Variants in FAAH observed in about 807,000 individuals in gnomAD.
FAAH encodes the protein fatty-acid amide hydrolase 1.
Under a neutral mutation model 69.7 loss-of-function variants are expected in FAAH, and 63 were observed. The observed-to-expected ratio is 0.90, with a 90% CI of 0.74 to 1.12. FAAH has a LOEUF of 1.12. Ranked by LOEUF, FAAH falls within the 50% of genes most tolerant of loss-of-function variation. The probability of loss-of-function intolerance (pLI) is 0.00; values close to 1 mark genes in which losing one functional copy is unlikely to be tolerated. For missense variants in FAAH, 680 were observed against 755.0 expected (o/e 0.90, Z 1.16); for synonymous variants, 305 against 324.2 (o/e 0.94, Z 0.64).
chr1:46,394,691 G>C, intron 1 of FAAH, 148 bp downstream of exon 1: 2 of 727,822 alleles, frequency 2.7e-6, no homozygotes, highest in Non-Finnish European at 3.8e-6. Flanking sequence ...AAGATATTCC[G>C]CACTTTCTGA....
At position 46,405,641 on chromosome 1, in the gene FAAH, C is replaced by T. The variant is rs751537824; in HGVS notation, c.632C>T (p.Ser211Phe). The T allele has an allele frequency of 3.7e-6, 6 of 1,613,528 alleles. No individual in the cohort carries two copies. In the South Asian group the frequency reaches 6.6e-5, roughly 18 times the overall value. Residue 211 changes from serine (S) to phenylalanine (F), a missense_variant, in exon 5 of 15, where the codon TCC becomes TTC. Coordinates refer to ENST00000243167, the MANE Select transcript of FAAH (RefSeq NM_001441.3). This position sits in a 1 kb window ranked among gnomAD's most constrained non-coding sequence, Gnocchi z 4.1. ...CAGACCGTGAACCCATGGAAGTCCT[C>T]CAAAAGCCCAGGGGGCTCCTCAGGG... Reference protein sequence around the residue: ...FGQTVNPWKSSKSPGGSSGGE... With the variant: ...FGQTVNPWKSFKSPGGSSGGE...
chr1:46,403,161 T>C (rs45516298), intron 2 of FAAH, among the ~76,000 whole-genome samples: 1,441 of 143,132 alleles, frequency 0.01, 22 homozygotes, highest in Middle Eastern at 0.051. Context: ...ATGGGAGTCT[T>C]GCTCTGTCGC....
In FAAH at chr1:46,404,930, C is replaced by G. The variant is rs1664762648; in HGVS notation, c.310-84C>G. ...CTCTCCCTGGGTATACTTTAAAAGGCCAGTTCTACATGATGTATATTTCAC... is the reference window on the plus strand; with the variant it reads ...CTCTCCCTGGGTATACTTTAAAAGGGCAGTTCTACATGATGTATATTTCAC... On this transcript the variant is annotated intron_variant, in intron 2 of 14. Coordinates refer to ENST00000243167, the MANE Select transcript of FAAH (RefSeq NM_001441.3). The surrounding 1 kb of genome is among the most constrained non-coding windows in gnomAD (Gnocchi z 4.5). 3.1e-6 allele frequency: 5 copies of G among 1,589,954 alleles called. No individual in the cohort carries two copies. Among genetic ancestry groups the G allele is most frequent in the Non-Finnish European group, 4.3e-6 (5 of 1,162,288 alleles).
chr1:46,397,187 A>G (rs1316143331), intron 1 of FAAH, among the ~76,000 whole-genome samples: 1 of 152,228 alleles, frequency 6.6e-6, no homozygotes, highest in African/African-American at 2.4e-5. Context: ...CTCCAAGAGC[A>G]GCGTGGGCAG....
At chr1:46,396,109 G>A (rs556121283) in intron 1 of FAAH, among the ~76,000 whole-genome samples, 7 of 152,096 alleles carry the variant, frequency 4.6e-5, no homozygotes, top group African/African-American at 1.7e-4. Flanking sequence ...GTGGGGAAAG[G>A]GTCAACAGGA....
At position 46,405,003 on chromosome 1, in the gene FAAH, C is replaced by T. The variant is rs1158753291; in HGVS notation, c.310-11C>T. On this transcript the variant is annotated splice_polypyrimidine_tract_variant and intron_variant, in intron 2 of 14. Coordinates refer to ENST00000243167, the MANE Select transcript of FAAH (RefSeq NM_001441.3). This position sits in a 1 kb window ranked among gnomAD's most constrained non-coding sequence, Gnocchi z 4.1. ...CCTCCTTTTATCTTATGTCTACTTC[C>T]CCTTCCTCAGGCCTGGGAAGTGAAC... 1 of 1,614,040 alleles carries T rather than the reference C, an allele frequency of 6.2e-7. No individual in the cohort carries two copies. Among genetic ancestry groups the T allele is most frequent in the South Asian group, 1.1e-5 (1 of 91,090 alleles).
Position 46,413,099 on chromosome 1 carries a change from A to G in FAAH, c.1490A>G (p.Tyr497Cys). Residue 497 changes from tyrosine to cysteine, a missense_variant, in exon 14 of 15, where the codon TAC becomes TGC. Tyr to Cys is a radical substitution (Grantham distance 194). Transcript: ENST00000243167. Reference sequence around the variant, plus strand: ...GGGGCCGTCAGCTACACTATGCTGTACAACTGCCTGGACTTCCCTGCAGGG... The same window carrying G: ...GGGGCCGTCAGCTACACTATGCTGTGCAACTGCCTGGACTTCCCTGCAGGG... ...ATGAVSYTML[Y>C]NCLDFPAGVV... 1 of 1,614,154 alleles carries G rather than the reference A, an allele frequency of 6.2e-7. No homozygotes were observed. Among genetic ancestry groups the G allele is most frequent in the Non-Finnish European group, 8.5e-7 (1 of 1,180,000 alleles).
intron 2 of FAAH, among the ~76,000 whole-genome samples, chr1:46,403,085 C>T (rs761775545): frequency 5.9e-5 from 9 of 152,068 alleles, no homozygotes; most frequent in Non-Finnish European, 1.0e-4. Context: ...CCACCCGCCT[C>T]GGCCTTCCAA....
In FAAH at chr1:46,404,587, T is replaced by A. The variant is rs1038748577; in HGVS notation, c.310-427T>A. Among the ~76,000 whole-genome samples the A allele has an allele frequency of 2.0e-5, 3 of 152,226 alleles. No homozygotes were observed. Among genetic ancestry groups the A allele is most frequent in the Non-Finnish European group, 4.4e-5 (3 of 68,030 alleles). On this transcript the variant is annotated intron_variant, in intron 2 of 14. Coordinates refer to ENST00000243167, the MANE Select transcript of FAAH (RefSeq NM_001441.3). This position sits in a 1 kb window ranked among gnomAD's most constrained non-coding sequence, Gnocchi z 4.5. The stretch of plus-strand genomic sequence containing the variant: ...GGGAGGCAGGAGTCTGGTCTAGTCC[T>A]GCTCTGTGGTTGCCCTTCAGTGTGA...
rs921726720 is a variant in FAAH, at chr1:46,405,012, A to G, written c.310-2A>G. 6.2e-7 allele frequency: 1 copy of G among 1,613,842 alleles called. No homozygotes were observed. Among genetic ancestry groups the G allele is most frequent in the African/African-American group, 1.3e-5 (1 of 74,912 alleles). ...ATCTTATGTCTACTTCCCCTTCCTCAGGCCTGGGAAGTGAACAAAGGGACC... is the reference window on the plus strand; with the variant it reads ...ATCTTATGTCTACTTCCCCTTCCTCGGGCCTGGGAAGTGAACAAAGGGACC... On this transcript the variant is annotated splice_acceptor_variant, in intron 2 of 14. Coordinates refer to ENST00000243167, the MANE Select transcript of FAAH (RefSeq NM_001441.3). LOFTEE classifies it high-confidence loss of function. The surrounding 1 kb of genome is among the most constrained non-coding windows in gnomAD (Gnocchi z 4.1).
At position 46,410,883 on chromosome 1, in the gene FAAH, G is replaced by C. The variant is rs765773656; in HGVS notation, c.1316+29G>C. ...AGGGTTCTTCTGTGTCTAGCTGCCGGCCCCTGCCTGTCCTGATCCGAGTCT... is the reference window on the plus strand; with the variant it reads ...AGGGTTCTTCTGTGTCTAGCTGCCGCCCCCTGCCTGTCCTGATCCGAGTCT... On this transcript the variant is annotated intron_variant, in intron 11 of 14. Transcript: ENST00000243167. The surrounding 1 kb of genome is among the most constrained non-coding windows in gnomAD (Gnocchi z 4.9). 6 of 1,613,922 alleles carry C rather than the reference G, an allele frequency of 3.7e-6. No homozygotes were observed. Among genetic ancestry groups the C allele is most frequent in the Non-Finnish European group, 4.2e-6 (5 of 1,179,826 alleles).
At chr1:46,409,967 C>A in intron 9 of FAAH, 1 of 187,514 alleles carries the variant, frequency 5.3e-6, no homozygotes, top group Non-Finnish European at 1.1e-5. Context: ...GGAATGAGTC[C>A]CCAGGATCAG....
Position 46,411,461 on chromosome 1 carries a change from G to A in FAAH, c.1317-151G>A. 1.2e-6 allele frequency: 1 copy of A among 833,042 alleles called. No homozygotes were observed. The highest frequency in any genetic ancestry group is 2.0e-6 in the Non-Finnish European group (1 of 494,180). 51.6% of individuals were successfully genotyped at this position (833,042 alleles called of 1,614,324 possible). A position where few individuals can be genotyped will look rare whatever the true frequency, so the allele number is the denominator to read the frequency against. On this transcript the variant is annotated intron_variant, in intron 11 of 14. Transcript: ENST00000243167. The surrounding 1 kb of genome is among the most constrained non-coding windows in gnomAD (Gnocchi z 4.8). Reference sequence around the variant, plus strand: ...GGGGCCTGATTTTCTCATCCAGACAGTAGGGGTTTGAACTTCCCTCTCAGA... The same window carrying A: ...GGGGCCTGATTTTCTCATCCAGACAATAGGGGTTTGAACTTCCCTCTCAGA...
intron 1 of FAAH, among the ~76,000 whole-genome samples, chr1:46,398,666 C>G (rs1664643303): frequency 6.6e-6 from 1 of 152,048 alleles, no homozygotes; most frequent in African/African-American, 2.4e-5. Flanking sequence ...CCTGGAGTAG[C>G]TAGGACTACA....
At position 46,413,504 on chromosome 1, in the gene FAAH, C is replaced by A. The variant is rs201429078; in HGVS notation, c.1669C>A (p.Gln557Lys). 1.9e-6 allele frequency: 3 copies of A among 1,614,096 alleles called. No individual in the cohort carries two copies. The highest frequency in any genetic ancestry group is 2.5e-6 in the Non-Finnish European group (3 of 1,179,996). The change falls in exon 15 of 15, where the codon CAA (glutamine) becomes AAA (lysine). Residue 557 changes from glutamine (Q) to lysine (K), a missense_variant. Coordinates refer to ENST00000243167, the MANE Select transcript of FAAH (RefSeq NM_001441.3). Reference sequence around the variant, plus strand: ...CGTGCAGTGTGTGGCTCTGCCCTGGCAAGAAGAGTTGTGTCTGCGGTTCAT... The same window carrying A: ...CGTGCAGTGTGTGGCTCTGCCCTGGAAAGAAGAGTTGTGTCTGCGGTTCAT... ...VAVQCVALPW[Q>K]EELCLRFMRE...
intron 1 of FAAH, among the ~76,000 whole-genome samples, chr1:46,400,624 G>A (rs1664681000): frequency 6.6e-6 from 1 of 150,666 alleles, no homozygotes; most frequent in South Asian, 2.1e-4. Flanking sequence ...GATACATAAG[G>A]AGGAGCTGGT....
intron 1 of FAAH, among the ~76,000 whole-genome samples, chr1:46,400,813 T>G (rs1293563223): frequency 1.8e-4 from 8 of 44,930 alleles, no homozygotes; most frequent in Non-Finnish European, 2.1e-4. Flanking sequence ...GAAGCCAGGG[T>G]AGGGGAGGAG....
rs1213817172 is a variant in FAAH, at chr1:46,413,511, A to T, written c.1676A>T (p.Glu559Val). The change falls in exon 15 of 15, where the codon GAG (glutamate) becomes GTG (valine). Residue 559 changes from glutamate (E) to valine (V), a missense_variant. By Grantham distance (121) the Glu-to-Val change is moderately radical. Coordinates refer to ENST00000243167, the MANE Select transcript of FAAH (RefSeq NM_001441.3). Reference protein sequence around the residue: ...VQCVALPWQEELCLRFMREVE... With the variant: ...VQCVALPWQEVLCLRFMREVE... ...TGTGTGGCTCTGCCCTGGCAAGAAG[A>T]GTTGTGTCTGCGGTTCATGCGGGAG... 3 of 1,614,050 alleles carry T rather than the reference A, an allele frequency of 1.9e-6. No homozygotes were observed. The South Asian group carries it at 3.3e-5, about 18-fold the overall frequency.
intron 1 of FAAH, 45 bp downstream of exon 1, chr1:46,394,588 C>A (rs1569800217): frequency 2.3e-6 from 3 of 1,279,872 alleles, no homozygotes; most frequent in African/African-American, 1.6e-5. Context: ...TGAGGGTACT[C>A]GCAGCGGCAC....
Sources: allele counts gnomAD v4.1 joint callset (sites outside exome capture counted in the v4.1 genomes callset), GRCh38; gene constraint gnomAD v4.1.1; non-coding constraint Gnocchi (gnomAD v3.1); transcripts MANE v1.5; gene names NCBI Gene and HGNC (gene_info 2026-07-23, HGNC 2026-07-21).